The following PHLDB2 variants were observed in gnomAD, a reference collection of about 807,000 sequenced individuals.
PHLDB2 encodes the protein pleckstrin homology like domain family B member 2, also known as pleckstrin homology-like domain family B member 2.
PHLDB2 carries 71 observed loss-of-function variants against 123.6 expected under a neutral mutation model. The ratio of observed to expected loss-of-function variants is 0.57; its 90% CI spans 0.47 to 0.70. PHLDB2 has a LOEUF of 0.70. Ranked by LOEUF, PHLDB2 falls within the 30% of genes least tolerant of loss-of-function variation. The pLI, the probability that PHLDB2 is intolerant of heterozygous loss-of-function variation, is 0.00. For missense variants in PHLDB2, 1,446 were observed against 1,519.5 expected (o/e 0.95, Z 0.80); for synonymous variants, 547 against 541.6 (o/e 1.01, Z -0.14).
intron 2 of PHLDB2, among the ~76,000 whole-genome samples, chr3:111,847,124 C>T (rs1053307811): frequency 6.6e-6 from 1 of 152,202 alleles, no homozygotes; most frequent in South Asian, 2.1e-4. Context: ...AACCAAATGA[C>T]ATTTTTTTTT....
rs1345852259 is a variant in PHLDB2, at chr3:111,734,090, T to G, written c.-49+1387T>G. Among the ~76,000 whole-genome samples, 3 of 152,188 alleles carry G rather than the reference T, an allele frequency of 2.0e-5. No individual in the cohort carries two copies. In the East Asian group the frequency reaches 5.8e-4, roughly 29 times the overall value. ...GGAGGCCATTGTAGACATAAACCCT[T>G]GTGTGACTTTGGGTAAGTCTGTGGC... On this transcript the variant is annotated intron_variant, in intron 1 of 17. Coordinates refer to the PHLDB2 transcript ENST00000393923.
chr3:111,904,312 A>T (rs1451522465), intron 2 of PHLDB2, among the ~76,000 whole-genome samples: 1 of 146,566 alleles, frequency 6.8e-6, no homozygotes, highest in Non-Finnish European at 1.5e-5. Context: ...TGTGGAGGTA[A>T]GAAGTCAATT....
intron 1 of PHLDB2, among the ~76,000 whole-genome samples, chr3:111,868,259 A>G (rs1181957421): frequency 6.6e-6 from 1 of 152,120 alleles, no homozygotes; most frequent in African/African-American, 2.4e-5. Context: ...GGCTCAAGCA[A>G]TCCTCATGCC....
chr3:111,938,134 C>T (rs1307256058), intron 6 of PHLDB2, among the ~76,000 whole-genome samples: 7 of 152,114 alleles, frequency 4.6e-5, no homozygotes, highest in African/African-American at 1.7e-4. Flanking sequence ...AAGGTGTGTA[C>T]ATATTTTTAA....
At chr3:111,735,701 G>A (rs1941665589) in intron 1 of PHLDB2, among the ~76,000 whole-genome samples, 1 of 152,176 alleles carries the variant, frequency 6.6e-6, no homozygotes, top group Non-Finnish European at 1.5e-5. Flanking sequence ...GAGAAAGAAA[G>A]TTGAAGCTAA....
intron 1 of PHLDB2, among the ~76,000 whole-genome samples, chr3:111,842,438 C>T (rs1291890079): frequency 3.3e-5 from 5 of 152,174 alleles, no homozygotes; most frequent in Non-Finnish European, 7.3e-5. Flanking sequence ...GCATTGCCAT[C>T]ACACAAAATC....
chr3:111,899,046 G>A (rs144431960), intron 2 of PHLDB2, among the ~76,000 whole-genome samples: 43 of 152,250 alleles, frequency 2.8e-4, no homozygotes, highest in African/African-American at 9.9e-4. Context: ...TTTTTTGATT[G>A]GCTTTGCTCA....
Position 111,967,794 on chromosome 3 carries a change from A to G in PHLDB2, c.3285A>G (p.Glu1095=), listed in dbSNP as rs2071873789. The G allele has an allele frequency of 2.5e-6, 4 of 1,611,692 alleles. No homozygotes were observed. The highest frequency in any genetic ancestry group is 1.3e-5 in the African/African-American group (1 of 74,724). The change falls in exon 15 of 18, where the codon GAA becomes GAG. Residue 1095 remains glutamate, a synonymous_variant. Coordinates refer to ENST00000431670, the MANE Select transcript of PHLDB2 (RefSeq NM_001134438.2). ...AGAGGCAGAAGTTAATAGAAAAGGA[A>G]GTAAAAATAAGGGAGAGACAAAGGG... is the stretch of plus-strand genomic sequence containing the variant. ...TSQRQKLIEK[E]VKIRERQRAQ...
intron 2 of PHLDB2, among the ~76,000 whole-genome samples, chr3:111,887,324 T>C (rs1414238060): frequency 6.6e-6 from 1 of 152,186 alleles, no homozygotes; most frequent in African/African-American, 2.4e-5. Context: ...AGTGGGCGTA[T>C]CGTATTTGTT....
intron 6 of PHLDB2, among the ~76,000 whole-genome samples, chr3:111,938,770 A>G (rs1209238796): frequency 6.6e-6 from 1 of 151,888 alleles, no homozygotes; most frequent in African/African-American, 2.4e-5. Flanking sequence ...TGAAGAAAAG[A>G]AGAGCTTCCT....
chr3:111,828,678 G>A (rs2062786011), intron 1 of PHLDB2, among the ~76,000 whole-genome samples: 1 of 152,098 alleles, frequency 6.6e-6, no homozygotes, highest in South Asian at 2.1e-4. Context: ...TTGCTCAGGA[G>A]GTGAATGTGG....
chr3:111,839,787 C>T (rs576518364), intron 1 of PHLDB2, among the ~76,000 whole-genome samples: 12 of 151,994 alleles, frequency 7.9e-5, no homozygotes, highest in Admixed American at 4.6e-4. Flanking sequence ...AACATAACAC[C>T]GGCTTTAGGA....
intron 1 of PHLDB2, among the ~76,000 whole-genome samples, chr3:111,834,849 A>C (rs1243969109): frequency 6.6e-6 from 1 of 152,050 alleles, no homozygotes; most frequent in Non-Finnish European, 1.5e-5. Flanking sequence ...TATATTTTTA[A>C]GTCTTTTTTA....
intron 5 of PHLDB2, among the ~76,000 whole-genome samples, chr3:111,927,205 C>T (rs13091880): frequency 0.49 from 74,362 of 151,332 alleles, 19,012 homozygotes; most frequent in Non-Finnish European, 0.57. Context: ...TTTTAGGATA[C>T]ATAGATAGGA....
At chr3:111,788,565 C>A (rs1466130491) in intron 1 of PHLDB2, among the ~76,000 whole-genome samples, 1 of 152,150 alleles carries the variant, frequency 6.6e-6, no homozygotes, top group African/African-American at 2.4e-5. Context: ...ACCTTTTATT[C>A]TTTCTCTCTA....
chr3:111,765,957 A>G (rs1207155882), intron 1 of PHLDB2, among the ~76,000 whole-genome samples: 1 of 152,174 alleles, frequency 6.6e-6, no homozygotes, highest in East Asian at 1.9e-4. Context: ...AAGTCAAAAC[A>G]CCAGGATTTT....
intron 2 of PHLDB2, among the ~76,000 whole-genome samples, chr3:111,846,618 A>G (rs72938231): frequency 0.036 from 5,488 of 152,244 alleles, 340 homozygotes; most frequent in African/African-American, 0.12. Context: ...ATTCCAAACT[A>G]GATTTAATTT....
At chr3:111,793,775 C>A (rs2061030392) in intron 1 of PHLDB2, among the ~76,000 whole-genome samples, 1 of 151,770 alleles carries the variant, frequency 6.6e-6, no homozygotes. Context: ...GCAGTGGGCT[C>A]CCTTCTGTCC....
At chr3:111,779,748 G>A (rs1213237223) in intron 1 of PHLDB2, 2 of 553,990 alleles carry the variant, frequency 3.6e-6, no homozygotes, top group African/African-American at 2.1e-5. Context: ...GAACATACAG[G>A]TGCATATGTT....
Sources: allele counts gnomAD v4.1 joint callset (sites outside exome capture counted in the v4.1 genomes callset), GRCh38; gene constraint gnomAD v4.1.1; transcripts MANE v1.5; gene names NCBI Gene and HGNC (gene_info 2026-07-23, HGNC 2026-07-21).